The following GABRG2 variants were observed in gnomAD, a reference collection of about 807,000 sequenced individuals.
The protein encoded by GABRG2 is gamma-aminobutyric acid type A receptor subunit gamma2.
A neutral mutation model predicts 56.4 loss-of-function variants in GABRG2; 16 were observed. The ratio of observed to expected loss-of-function variants is 0.28; its 90% CI spans 0.19 to 0.43. The LOEUF (loss-of-function observed/expected upper bound fraction) is 0.43. Ranked by LOEUF, GABRG2 falls within the 20% of genes least tolerant of loss-of-function variation. The pLI is 1.00. For synonymous variants in GABRG2, 208 were observed against 205.5 expected (o/e 1.01, Z -0.10); for missense variants, 327 against 582.7 (o/e 0.56, Z 4.52).
At chr5:162,150,224 G>A (rs188200973) in intron 8 of GABRG2, 2 of 152,254 alleles carry the variant, frequency 1.3e-5, no homozygotes, top group African/African-American at 4.8e-5. Flanking sequence ...GGGCTCCTAT[G>A]AGAAATAAAT....
At chr5:162,102,565 A>T in intron 5 of GABRG2, 1 of 454,106 alleles carries the variant, frequency 2.2e-6, no homozygotes, top group Non-Finnish European at 4.4e-6. Flanking sequence ...GTCTCGTTCT[A>T]TTGCCCAGGC....
intron 6 of GABRG2, among the ~76,000 whole-genome samples, chr5:162,132,308 A>C (rs921667116): frequency 6.6e-6 from 1 of 152,020 alleles, no homozygotes; most frequent in Non-Finnish European, 1.5e-5. Context: ...GAGTAGATGG[A>C]AAAAGTTGTT....
chr5:162,119,982 C>T (rs1282157703), intron 6 of GABRG2, among the ~76,000 whole-genome samples: 1 of 152,068 alleles, frequency 6.6e-6, no homozygotes, highest in African/African-American at 2.4e-5. Context: ...GGAATGATCG[C>T]CCCCATGCTT....
intron 4 of GABRG2, chr5:162,098,564 A>G (rs535057376): frequency 8.3e-4 from 126 of 152,592 alleles, no homozygotes; most frequent in Non-Finnish European, 1.7e-3. Flanking sequence ...ATTATTAGAC[A>G]GAATAATAGA....
intron 5 of GABRG2, 60 bp from the exon 6 acceptor site, chr5:162,103,828 TG>T: frequency 6.4e-7 from 1 of 1,574,368 alleles, no homozygotes; most frequent in Non-Finnish European, 8.7e-7. Flanking sequence ...TCATAGAAGA[TG>T]GTTGCTACAT....
In GABRG2 at chr5:162,097,142, G is replaced by A. The variant is rs569111243; in HGVS notation, c.328-496G>A. Among the ~76,000 whole-genome samples the A allele has an allele frequency of 4.6e-5, 7 of 152,156 alleles. No individual in the cohort carries two copies. In the South Asian group the frequency reaches 1.2e-3, roughly 27 times the overall value. On this transcript the variant is annotated intron_variant, in intron 3 of 9. Transcript: ENST00000639213. Reference sequence around the variant, plus strand: ...CTGTACTTTGTTTCACTCTACAGTGGTGGTTCTGAATCTGAACTTCTTTTT... The same window carrying A: ...CTGTACTTTGTTTCACTCTACAGTGATGGTTCTGAATCTGAACTTCTTTTT...
intron 4 of GABRG2, among the ~76,000 whole-genome samples, chr5:162,100,784 A>G (rs1761357353): frequency 6.6e-6 from 1 of 152,162 alleles, no homozygotes; most frequent in Admixed American, 6.5e-5. Context: ...AATTAAAGCT[A>G]ACAGCTAACA....
chr5:162,132,740 G>A lies in GABRG2; in HGVS notation c.770-9424G>A, dbSNP rs367727800. Among the ~76,000 whole-genome samples, 11 of 152,046 alleles carry A rather than the reference G, an allele frequency of 7.2e-5. No homozygotes were observed. The East Asian group carries it at 2.1e-3, about 30-fold the overall frequency. On this transcript the variant is annotated intron_variant, in intron 6 of 9. Transcript: ENST00000639213. ...TGCTTCTTATTGGCACCTCTCTTCT[G>A]AAGTGCTGAAACTATTTCCATTGAA...
chr5:162,077,544 C>A (rs1759233875), intron 1 of GABRG2, among the ~76,000 whole-genome samples: 1 of 152,136 alleles, frequency 6.6e-6, no homozygotes, highest in Admixed American at 6.5e-5. Context: ...AGAAACTTAG[C>A]AAAACACTAT....
chr5:162,108,754 G>C (rs939628173), intron 6 of GABRG2, among the ~76,000 whole-genome samples: 1 of 152,080 alleles, frequency 6.6e-6, no homozygotes, highest in Non-Finnish European at 1.5e-5. Flanking sequence ...CCTGACAAGT[G>C]GGAAGGACTT....
rs373433795 is a variant in GABRG2 at position 162,086,966 on chromosome 5, A to C, written c.108-6862A>C. 2.6e-4 allele frequency among the ~76,000 whole-genome samples: 39 copies of C among 152,124 alleles called. No individual in the cohort carries two copies. In the South Asian group the frequency reaches 7.7e-3, roughly 30 times the overall value. ...TCTTTTGGAAATAATCAATAGATTA[A>C]ATTTCTGGGTTATAGAGTACAGAAA... On this transcript the variant is annotated intron_variant, in intron 1 of 9. Transcript: ENST00000639213.
In GABRG2 at chr5:162,067,984, G is replaced by GA. The variant is rs771282908; in HGVS notation, c.-4dup. 52,169 of 1,139,362 alleles carry GA rather than the reference G, an allele frequency of 0.046. 1 individual carries two copies. Among genetic ancestry groups the GA allele is most frequent in the Non-Finnish European group, 0.054 (43,504 of 812,586 alleles). The allele number at this position is 1,139,362 out of a possible 1,614,324, so 70.6% of individuals were successfully genotyped here. The stretch of plus-strand genomic sequence containing the variant: ...ACCAAGAGGCAAGAGGCGAGAGAAG[G>GA]AAAAAAAAAAAAGCGATGAGTTCGC... On this transcript the variant is annotated 5_prime_UTR_variant, in exon 1 of 10. Transcript: ENST00000639213.
At chr5:162,110,630 AAACAACAACAAC>A (rs200545264) in intron 6 of GABRG2, among the ~76,000 whole-genome samples, 4 of 151,392 alleles carry the variant, frequency 2.6e-5, no homozygotes. Context: ...GTTGGAAGGG[AAACAACAACAAC>A]AACAACAACA....
intron 6 of GABRG2, among the ~76,000 whole-genome samples, chr5:162,136,081 G>T (rs1764103846): frequency 6.6e-6 from 1 of 152,104 alleles, no homozygotes. Flanking sequence ...TTTTCCCCTT[G>T]GAAAAGCAGA....
At position 162,134,090 on chromosome 5, in the gene GABRG2, TTTTG is replaced by T. The variant is rs536418306; in HGVS notation, c.770-8066_770-8063del. Among the ~76,000 whole-genome samples, 44 of 152,242 alleles carry T rather than the reference TTTTG, an allele frequency of 2.9e-4. No individual in the cohort carries two copies. In the East Asian group the frequency reaches 8.1e-3, roughly 28 times the overall value. On this transcript the variant is annotated intron_variant, in intron 6 of 9. Transcript: ENST00000639213. ...ACAATTAGTCAGCTTTCCACATTGTTTTTGTTTGTTTTCTTTGGATTTATCATCA... is the reference window on the plus strand; with the variant it reads ...ACAATTAGTCAGCTTTCCACATTGTTTTTGTTTTCTTTGGATTTATCATCA...
Position 162,067,897 on chromosome 5 carries a change from G to C in GABRG2, c.-103G>C, listed in dbSNP as rs1011043302. ...AGTGAAGGACCTACTAGAGGCAGGT[G>C]GGGGGAGCCACCATCAGATCATAAG... On this transcript the variant is annotated 5_prime_UTR_variant, in exon 1 of 10. Transcript: ENST00000639213. 7.5e-6 allele frequency: 6 copies of C among 802,420 alleles called. No homozygotes were observed. The highest frequency in any genetic ancestry group is 8.6e-6 in the Non-Finnish European group (4 of 465,242). The allele number at this position is 802,420 out of a possible 1,614,324, so 49.7% of individuals were successfully genotyped here.
rs749127891 is a variant in GABRG2 at position 162,142,237 on chromosome 5, C to A, written c.843C>A (p.Ile281=). The change falls in exon 7 of 10, where the codon ATC becomes ATA. Residue 281 remains isoleucine, a synonymous_variant. Transcript: ENST00000639213. The part of the protein sequence containing the change: ...RMGYFTIQTY[I]PCTLIVVLSW... ...GATACTTTACCATCCAGACCTATAT[C>A]CCCTGCACACTCATTGTCGTCCTAT... The A allele has an allele frequency of 3.7e-6, 6 of 1,613,868 alleles. No individual in the cohort carries two copies. Among genetic ancestry groups the A allele is most frequent in the Middle Eastern group, 1.6e-4 (1 of 6,082 alleles).
intron 6 of GABRG2, among the ~76,000 whole-genome samples, chr5:162,134,086 T>C (rs576197336): frequency 4.3e-4 from 65 of 152,228 alleles, no homozygotes; most frequent in Admixed American, 1.0e-3. Flanking sequence ...GCTTTCCACA[T>C]TGTTTTTGTT....
chr5:162,105,004 A>G (rs1761696931), intron 6 of GABRG2, among the ~76,000 whole-genome samples: 1 of 152,154 alleles, frequency 6.6e-6, no homozygotes, highest in South Asian at 2.1e-4. Context: ...TCAAATACAA[A>G]CATTGTGTTC....
Sources: gnomAD v4.1 joint callset for allele counts (sites outside exome capture counted in the v4.1 genomes callset) on GRCh38, gnomAD v4.1.1 for gene constraint, MANE v1.5 for transcripts, NCBI Gene and HGNC (gene_info 2026-07-23, HGNC 2026-07-21) for gene names.